PFKM: variants seen among roughly 807,000 people sequenced by gnomAD.
The protein encoded by PFKM is phosphofructokinase, muscle, also known as ATP-dependent 6-phosphofructokinase, muscle type.
PFKM carries 58 observed loss-of-function variants against 95.5 expected under a neutral mutation model. The observed-to-expected ratio is 0.61, with a 90% confidence interval of 0.49 to 0.76. The LOEUF is 0.76. PFKM is among the 30% of genes least tolerant of loss of function. PFKM has a pLI of 0.00. For missense variants in PFKM, 678 were observed against 1,005.4 expected, an observed-to-expected ratio of 0.67 and a Z score of 4.40; for synonymous variants, 336 against 357.2, an observed-to-expected ratio of 0.94 and a Z score of 0.67.
chr12:48,107,994 G>C, intron 2 of PFKM: 1 of 1,481,848 alleles, frequency 6.7e-7, no homozygotes, highest in Non-Finnish European at 9.2e-7. Flanking sequence ...CAGAGTCATA[G>C]GGAAAATGAA....
intron 11 of PFKM, 103 bp downstream of exon 11, chr12:48,137,949 G>A (rs1263883427): frequency 7.9e-7 from 1 of 1,269,812 alleles, no homozygotes; most frequent in African/African-American, 1.5e-5. Context: ...AGGAGCAGGT[G>A]GAAAGGCAAG....
intron 11 of PFKM, 94 bp downstream of exon 11, chr12:48,137,940 G>A (rs1565898781): frequency 6.5e-6 from 9 of 1,392,590 alleles, no homozygotes; most frequent in Non-Finnish European, 9.2e-6. Context: ...CACTGGTATA[G>A]GAGCAGGTGG....
chr12:48,111,565 G>A (rs1947188511), intron 3 of PFKM, among the ~76,000 whole-genome samples: 1 of 152,222 alleles, frequency 6.6e-6, no homozygotes, highest in African/African-American at 2.4e-5. Context: ...GAGAGGTAGT[G>A]GAGCGGGGAA....
intron 15 of PFKM, 167 bp from the exon 16 acceptor site, chr12:48,141,573 A>C: frequency 1.4e-6 from 1 of 716,690 alleles, no homozygotes; most frequent in Non-Finnish European, 2.5e-6. Context: ...TTAGAGCTCC[A>C]GTATGTATCC....
At chr12:48,143,047 T>C in intron 18 of PFKM, 101 bp downstream of exon 18, 1 of 1,158,902 alleles carries the variant, frequency 8.6e-7, no homozygotes, top group Admixed American at 2.0e-5. Context: ...ACCGAGCTGA[T>C]TGGTCTGTAG....
At position 48,143,730 on chromosome 12, in the gene PFKM, A is replaced by G. The variant is rs1478147310; in HGVS notation, c.1819-23A>G. On this transcript the variant is annotated intron_variant, in intron 18 of 22. Coordinates refer to ENST00000359794, the MANE Select transcript of PFKM (RefSeq NM_000289.6). ...ACCTTATCCATTCCCAGTTAGGCTT[A>G]GGATTTACTCTTTCATTTTCAGGCA... is the stretch of plus-strand genomic sequence containing the variant. 2.5e-6 allele frequency: 4 copies of G among 1,587,258 alleles called. No homozygotes were observed. The South Asian group carries it at 4.4e-5, about 18-fold the overall frequency.
intron 20 of PFKM, 145 bp downstream of exon 20, chr12:48,144,302 A>G: frequency 4.3e-6 from 3 of 705,564 alleles, no homozygotes; most frequent in South Asian, 2.9e-5. Context: ...ATGGGCCTGC[A>G]GTCTCTTACA....
At chr12:48,128,775 A>G (rs997621988) in intron 2 of PFKM, among the ~76,000 whole-genome samples, 3 of 152,090 alleles carry the variant, frequency 2.0e-5, no homozygotes, top group Non-Finnish European at 4.4e-5. Flanking sequence ...GGTATATTAC[A>G]TTTCTCCAGG....
In PFKM at chr12:48,133,382, T is replaced by A. The variant is rs148858610; in HGVS notation, c.495T>A (p.Ile165=). Residue 165 remains isoleucine, a synonymous_variant, in exon 6 of 23, where the codon ATT becomes ATA. Coordinates refer to ENST00000359794, the MANE Select transcript of PFKM (RefSeq NM_000289.6). ...YLNIVGLVGS[I]DNDFCGTDMT... is the part of the protein sequence containing the mutation. ...ACATTGTGGGCCTGGTTGGGTCAATTGACAATGACTTCTGTGGCACCGATA... is the reference window on the plus strand; with the variant it reads ...ACATTGTGGGCCTGGTTGGGTCAATAGACAATGACTTCTGTGGCACCGATA... 129 of 1,613,948 alleles carry A rather than the reference T, an allele frequency of 8.0e-5. No individual in the cohort carries two copies. In the African/African-American group the frequency reaches 1.6e-3, roughly 20 times the overall value.
intron 2 of PFKM, among the ~76,000 whole-genome samples, chr12:48,125,125 G>T (rs772562105): frequency 2.0e-5 from 3 of 152,100 alleles, no homozygotes; most frequent in Admixed American, 6.6e-5. Context: ...GGGATGCTGG[G>T]CTGATGCCGT....
At chr12:48,133,864 G>T (rs118090561) in intron 6 of PFKM, among the ~76,000 whole-genome samples, 9 of 152,124 alleles carry the variant, frequency 5.9e-5, no homozygotes, top group Non-Finnish European at 1.3e-4. Flanking sequence ...AGGGGACCTG[G>T]GGGGAGGCAA....
chr12:48,133,468 C>T lies in PFKM; in HGVS notation c.581C>T (p.Thr194Ile), dbSNP rs183491829. Reference sequence around the variant, plus strand: ...ATGGAAATTGTAGATGCCATCACTACCACTGCCCAGAGGTAAGGGGACTTG... The same window carrying T: ...ATGGAAATTGTAGATGCCATCACTATCACTGCCCAGAGGTAAGGGGACTTG... ...RIMEIVDAIT[T>I]TAQSHQRTFV... Residue 194 changes from threonine (T) to isoleucine (I), a missense_variant, in exon 6 of 23, where the codon ACC becomes ATC. Coordinates refer to ENST00000359794, the MANE Select transcript of PFKM (RefSeq NM_000289.6). 1 of 1,613,960 alleles carries T rather than the reference C, an allele frequency of 6.2e-7. No homozygotes were observed. Among genetic ancestry groups the T allele is most frequent in the East Asian group, 2.2e-5 (1 of 44,870 alleles).
At position 48,141,618 on chromosome 12, in the gene PFKM, G is replaced by A. The variant is rs117837316; in HGVS notation, c.1413-122G>A. 2.3e-4 allele frequency: 194 copies of A among 856,402 alleles called. 2 individuals carry two copies. The highest frequency in any genetic ancestry group is 1.9e-3 in the South Asian group (144 of 74,386). 53.1% of individuals were successfully genotyped at this position (856,402 alleles called of 1,614,324 possible). A position where few individuals can be genotyped will look rare whatever the true frequency, so the allele number is the denominator to read the frequency against. ...ACTGAGAGGGTGGGCTAGGGAGGGC[G>A]GCACAGGTCAAGAAATTAAAAATAA... On this transcript the variant is annotated intron_variant, in intron 15 of 22. Coordinates refer to ENST00000359794, the MANE Select transcript of PFKM (RefSeq NM_000289.6).
At chr12:48,131,520 A>T in intron 4 of PFKM, 127 bp downstream of exon 4, 1 of 757,532 alleles carries the variant, frequency 1.3e-6, no homozygotes, top group Non-Finnish European at 2.4e-6. Flanking sequence ...GTGACAAGAG[A>T]GGGACCCTAT....
intron 20 of PFKM, among the ~76,000 whole-genome samples, chr12:48,144,817 T>G (rs771543924): frequency 3.3e-5 from 5 of 152,128 alleles, no homozygotes; most frequent in Admixed American, 6.5e-5. Context: ...CTTTAATTAG[T>G]TGTTATTATA....
intron 20 of PFKM, 111 bp from the exon 21 acceptor site, chr12:48,144,920 T>G: frequency 1.3e-6 from 1 of 797,188 alleles, no homozygotes; most frequent in Non-Finnish European, 2.1e-6. Flanking sequence ...TGGATTCCTG[T>G]TTTGGGCTGT....
Position 48,144,146 on chromosome 12 carries a change from C to A in PFKM, c.1981C>A (p.His661Asn). 6.2e-7 allele frequency: 1 copy of A among 1,607,056 alleles called. No individual in the cohort carries two copies. The highest frequency in any genetic ancestry group is 1.1e-5 in the South Asian group (1 of 90,898). The change falls in exon 20 of 23, where the codon CAC becomes AAC. Residue 661 changes from histidine (H) to asparagine (N), a missense_variant. By Grantham distance (68) the His-to-Asn change is moderately conservative (BLOSUM62 1). Coordinates refer to ENST00000359794, the MANE Select transcript of PFKM (RefSeq NM_000289.6). ...IFDSRKNVLG[H>N]MQQGGSPTPF... ...CGACAGCAGGAAGAATGTGCTTGGTCACATGCAGCAGGTAGGGAAGACACC... is the reference window on the plus strand; with the variant it reads ...CGACAGCAGGAAGAATGTGCTTGGTAACATGCAGCAGGTAGGGAAGACACC...
chr12:48,108,285 A>G, intron 3 of PFKM: 1 of 1,174,362 alleles, frequency 8.5e-7, no homozygotes, highest in African/African-American at 1.5e-5. Context: ...GCGTAGACCT[A>G]CTAAAGCTGA....
chr12:48,145,543 A>C lies in PFKM; in HGVS notation c.2199-21A>C. 1 of 1,613,880 alleles carries C rather than the reference A, an allele frequency of 6.2e-7. No homozygotes were observed. Among genetic ancestry groups the C allele is most frequent in the South Asian group, 1.1e-5 (1 of 91,078 alleles). The stretch of plus-strand genomic sequence containing the variant: ...TGGGGTGCTAAAAGATTATATCATC[A>C]TCTACCTCATTCCTCTGTAGGCATC... On this transcript the variant is annotated intron_variant, in intron 22 of 22. Coordinates refer to ENST00000359794, the MANE Select transcript of PFKM (RefSeq NM_000289.6). The surrounding 1 kb of genome is among the most constrained non-coding windows in gnomAD (Gnocchi z 4.3).
Sources: allele counts gnomAD v4.1 joint callset (sites outside exome capture counted in the v4.1 genomes callset), GRCh38; gene constraint gnomAD v4.1.1; non-coding constraint Gnocchi (gnomAD v3.1); transcripts MANE v1.5; gene names NCBI Gene and HGNC (gene_info 2026-07-23, HGNC 2026-07-21).